ZNF560: variants seen among roughly 807,000 people sequenced by gnomAD.
ZNF560 encodes zinc finger protein 560.
In ZNF560, 54 loss-of-function variants were observed where a neutral mutation model predicts 81.8. That is an observed-to-expected ratio of 0.66 (90% CI 0.53 to 0.83). The LOEUF is 0.83. Ranked by LOEUF, ZNF560 falls within the 40% of genes least tolerant of loss-of-function variation. ZNF560 has a pLI of 0.00. For missense variants in ZNF560, 940 were observed against 932.4 expected, an observed-to-expected ratio of 1.01 and a Z score of -0.11; for synonymous variants, 321 against 317.9, an observed-to-expected ratio of 1.01 and a Z score of -0.10.
chr19:9,455,657 G>T, the ZNF560 span, among the ~76,000 whole-genome samples: 1 of 152,220 alleles, frequency 6.6e-6, no homozygotes, highest in Non-Finnish European at 1.5e-5. Context: ...TTAAAAAGGT[G>T]ATTGCAGATT....
Position 9,473,272 on chromosome 19 carries a change from A to G in ZNF560, c.158-13T>C. ...AAGAGCTGAAATCCTTTACATGAAG[A>G]AATGATACATTAATGGAAGAGGCTC... On this transcript the variant is annotated splice_polypyrimidine_tract_variant and intron_variant, in intron 4 of 9. Coordinates refer to ENST00000301480, the MANE Select transcript of ZNF560 (RefSeq NM_152476.3). 6.3e-7 allele frequency: 1 copy of G among 1,597,490 alleles called. No individual in the cohort carries two copies. The highest frequency in any genetic ancestry group is 8.5e-7 in the Non-Finnish European group (1 of 1,170,836).
intron 2 of ZNF560, among the ~76,000 whole-genome samples, chr19:9,491,493 G>C (rs775270328): frequency 3.3e-5 from 5 of 151,950 alleles, no homozygotes; most frequent in Non-Finnish European, 7.4e-5. Context: ...GTCATTCCTA[G>C]TTAGTGCTCC....
the ZNF560 span, among the ~76,000 whole-genome samples, chr19:9,447,640 C>G: frequency 2.6e-5 from 4 of 151,914 alleles, no homozygotes; most frequent in Admixed American, 2.0e-4. Context: ...GAAGACTGGT[C>G]TTTCAACTAA....
At chr19:9,449,457 G>A in the ZNF560 span, among the ~76,000 whole-genome samples, 79,681 of 151,526 alleles carry the variant, frequency 0.53, 21,211 homozygotes, top group Non-Finnish European at 0.55. Flanking sequence ...ATTAATGAAG[G>A]CAAAAAAACA....
intron 5 of ZNF560, among the ~76,000 whole-genome samples, chr19:9,472,559 C>T (rs188252409): frequency 4.6e-5 from 7 of 152,296 alleles, no homozygotes; most frequent in Non-Finnish European, 1.0e-4. Flanking sequence ...TTTTGAGAAT[C>T]TAATGCCTGA....
intron 2 of ZNF560, among the ~76,000 whole-genome samples, chr19:9,484,342 G>A (rs12462198): frequency 0.1 from 15,499 of 151,474 alleles, 953 homozygotes; most frequent in South Asian, 0.2. Flanking sequence ...CACTAGAGCC[G>A]CACTACCCAA....
At chr19:9,458,697 C>T in the ZNF560 span, among the ~76,000 whole-genome samples, 1 of 152,210 alleles carries the variant, frequency 6.6e-6, no homozygotes, top group Non-Finnish European at 1.5e-5. Flanking sequence ...GGCTGATCAC[C>T]TAGTTGCTAC....
intron 2 of ZNF560, among the ~76,000 whole-genome samples, chr19:9,481,769 AAAC>A (rs1372064009): frequency 1.3e-5 from 2 of 152,196 alleles, no homozygotes; most frequent in East Asian, 3.8e-4. Context: ...AAAAGTCAGG[AAAC>A]AACAGGTGCT....
chr19:9,470,554 A>G lies in ZNF560; in HGVS notation c.322-36T>C, dbSNP rs750403854. On this transcript the variant is annotated intron_variant, in intron 6 of 9. Transcript: ENST00000301480. ...AGACACATGCTGATTTGAGCCAAGCAACATCTCCACCAATGTTGGCTGAAG... is the reference window on the plus strand; with the variant it reads ...AGACACATGCTGATTTGAGCCAAGCGACATCTCCACCAATGTTGGCTGAAG... 20 of 1,614,158 alleles carry G rather than the reference A, an allele frequency of 1.2e-5. No individual in the cohort carries two copies. The East Asian group carries it at 4.5e-4, about 36-fold the overall frequency.
rs905609758 is a variant in ZNF560 at position 9,494,144 on chromosome 19, A to G, written c.-57+3984T>C. ...AGACTCCATCTCAAAAAAAAAAAAA[A>G]AAAAAGAAATTAATATGGCCTGTGA... On this transcript the variant is annotated intron_variant, in intron 2 of 9. Transcript: ENST00000301480. 5.3e-5 allele frequency among the ~76,000 whole-genome samples: 8 copies of G among 151,812 alleles called. No homozygotes were observed. In the East Asian group the frequency reaches 1.4e-3, roughly 26 times the overall value.
chr19:9,482,172 G>A (rs888738044), intron 2 of ZNF560, among the ~76,000 whole-genome samples: 8 of 151,878 alleles, frequency 5.3e-5, no homozygotes, highest in African/African-American at 1.7e-4. Context: ...ACTCTCACAA[G>A]GACAAAAAAC....
At chr19:9,469,898 A>C in intron 7 of ZNF560, 188 bp from the exon 8 acceptor site, 15 of 550,746 alleles carry the variant, frequency 2.7e-5, no homozygotes, top group Non-Finnish European at 3.2e-5. Context: ...AGCTTAACTC[A>C]TTTCCTGTTT....
the ZNF560 span, among the ~76,000 whole-genome samples, chr19:9,451,702 A>G: frequency 6.6e-6 from 1 of 152,212 alleles, no homozygotes; most frequent in African/African-American, 2.4e-5. Flanking sequence ...ATATTTTCAA[A>G]TTATGCATCT....
At position 9,467,301 on chromosome 19, in the gene ZNF560, C is replaced by T; in HGVS notation, c.1646G>A (p.Cys549Tyr). 1 of 1,614,126 alleles carries T rather than the reference C, an allele frequency of 6.2e-7. No individual in the cohort carries two copies. The highest frequency in any genetic ancestry group is 8.5e-7 in the Non-Finnish European group (1 of 1,179,956). Reference sequence around the variant, plus strand: ...TGAGCACTTAGTGAAAGCTTTACCACATTTCTTACATTGATAGAGTCTCTC... The same window carrying T: ...TGAGCACTTAGTGAAAGCTTTACCATATTTCTTACATTGATAGAGTCTCTC... Reference protein sequence around the residue: ...TEERLYQCKKCGKAFTKCSYL... With the variant: ...TEERLYQCKKYGKAFTKCSYL... The change falls in exon 10 of 10, where the codon TGT (cysteine) becomes TAT (tyrosine). Residue 549 changes from cysteine to tyrosine, a missense_variant. Cys to Tyr is a radical substitution (Grantham distance 194, BLOSUM62 -2). Coordinates refer to ENST00000301480, the MANE Select transcript of ZNF560 (RefSeq NM_152476.3).
chr19:9,496,160 G>A (rs146636087), intron 2 of ZNF560, among the ~76,000 whole-genome samples: 6 of 152,194 alleles, frequency 3.9e-5, no homozygotes, highest in Non-Finnish European at 8.8e-5. Context: ...AAAATAATTA[G>A]TAGGAACGTT....
chr19:9,457,475 T>C, the ZNF560 span, among the ~76,000 whole-genome samples: 22 of 152,242 alleles, frequency 1.4e-4, no homozygotes, highest in Non-Finnish European at 8.8e-5. Flanking sequence ...GCCAGACTTA[T>C]GTAGGGCAAG....
intron 2 of ZNF560, among the ~76,000 whole-genome samples, chr19:9,490,252 T>C (rs1056700700): frequency 6.6e-6 from 1 of 152,236 alleles, no homozygotes; most frequent in Admixed American, 6.5e-5. Flanking sequence ...CTGTTTATTC[T>C]CCTTTAAACA....
At chr19:9,479,737 C>T (rs2073256275) in intron 2 of ZNF560, among the ~76,000 whole-genome samples, 1 of 152,052 alleles carries the variant, frequency 6.6e-6, no homozygotes, top group South Asian at 2.1e-4. Flanking sequence ...CAACTATTTA[C>T]ATAGCATTTA....
In ZNF560 at chr19:9,474,349, T is replaced by C. The variant is rs775564679; in HGVS notation, c.31-24A>G. The stretch of plus-strand genomic sequence containing the variant: ...TACTAAACCATCACATACATGTTGA[T>C]TTGAGCCAAGTAACAGATTAACCAG... On this transcript the variant is annotated intron_variant, in intron 3 of 9. Coordinates refer to ENST00000301480, the MANE Select transcript of ZNF560 (RefSeq NM_152476.3). 8 of 1,593,948 alleles carry C rather than the reference T, an allele frequency of 5.0e-6. No homozygotes were observed. The South Asian group carries it at 9.1e-5, about 18-fold the overall frequency.
Sources: allele counts gnomAD v4.1 joint callset (sites outside exome capture counted in the v4.1 genomes callset), GRCh38; gene constraint gnomAD v4.1.1; transcripts MANE v1.5; gene names NCBI Gene and HGNC (gene_info 2026-07-23, HGNC 2026-07-21).